GTF2F1: variants seen among roughly 807,000 people sequenced by gnomAD.
The protein encoded by GTF2F1 is general transcription factor IIF 74 kDa subunit.
A neutral mutation model predicts 63.5 loss-of-function variants in GTF2F1; 39 were observed. The observed-to-expected ratio is 0.61, with a 90% CI of 0.48 to 0.80. The LOEUF (loss-of-function observed/expected upper bound fraction) is 0.80. Ranked by LOEUF, GTF2F1 falls within the 30% of genes least tolerant of loss-of-function variation. The pLI is 0.00. For missense variants in GTF2F1, 657 were observed against 718.3 expected, an observed-to-expected ratio of 0.91 and a Z score of 0.97; for synonymous variants, 287 against 285.3, an observed-to-expected ratio of 1.01 and a Z score of -0.06.
intron 5 of GTF2F1, chr19:6,386,808 G>A (rs1477980785): frequency 6.5e-6 from 1 of 152,930 alleles, no homozygotes; most frequent in African/African-American, 2.4e-5. Flanking sequence ...TCTGTGACCT[G>A]TGCAAATGCC....
Position 6,380,716 on chromosome 19 carries a change from T to C in GTF2F1, c.1232-26A>G, listed in dbSNP as rs1477422638. On this transcript the variant is annotated intron_variant, in intron 11 of 12. Transcript: ENST00000394456. This position sits in a 1 kb window ranked among gnomAD's most constrained non-coding sequence, Gnocchi z 5.3. ...CTGTGGGAGTGGGGTCAGGGCTGAG[T>C]CTTGCAGGCAGGAGGCAGAACCCCT... is the stretch of plus-strand genomic sequence containing the variant. 1.2e-6 allele frequency: 2 copies of C among 1,603,336 alleles called. No individual in the cohort carries two copies.
chr19:6,387,965 T>C (rs2091980294), intron 4 of GTF2F1, among the ~76,000 whole-genome samples: 1 of 149,974 alleles, frequency 6.7e-6, no homozygotes, highest in Admixed American at 6.7e-5. Context: ...AGTCTCGCTC[T>C]GGCACCCAGG....
intron 5 of GTF2F1, chr19:6,387,164 CG>C: frequency 1.9e-6 from 1 of 523,616 alleles, no homozygotes; most frequent in Non-Finnish European, 3.4e-6. Context: ...ATTTGAGCTC[CG>C]GGTCACAGAC....
rs1197409244 is a variant in GTF2F1 at position 6,380,560 on chromosome 19, CTCG to C, written c.1349+10_1349+12del. On this transcript the variant is annotated intron_variant, in intron 12 of 12. Transcript: ENST00000394456. The surrounding 1 kb of genome is among the most constrained non-coding windows in gnomAD (Gnocchi z 5.3). ...AGCCCTTGCCCTGCCCCCTGCTGTC[CTCG>C]TCAACTTACCCGCTGTTGGGTGTTG... The C allele has an allele frequency of 3.7e-6, 6 of 1,613,438 alleles. 1 individual carries two copies. The highest frequency in any genetic ancestry group is 3.3e-5 in the Admixed American group (2 of 59,982).
Position 6,393,016 on chromosome 19 carries a change from G to C in GTF2F1, c.-21C>G. On this transcript the variant is annotated 5_prime_UTR_variant, in exon 1 of 13. It adds an upstream start codon to the 5' untranslated region. Coordinates refer to ENST00000394456, the MANE Select transcript of GTF2F1 (RefSeq NM_002096.3). ...GCCATGGGCAATGGTCAGTGGTTCC[G>C]ATCTGGTCCGACCCGGGTTCCTTTC... 1 of 1,613,546 alleles carries C rather than the reference G, an allele frequency of 6.2e-7. No individual in the cohort carries two copies. Among genetic ancestry groups the C allele is most frequent in the East Asian group, 2.2e-5 (1 of 44,886 alleles).
chr19:6,386,093 A>C (rs576013306), intron 5 of GTF2F1, among the ~76,000 whole-genome samples: 1 of 150,484 alleles, frequency 6.6e-6, no homozygotes, highest in South Asian at 2.1e-4. Context: ...CAAAACAACA[A>C]AACTAAAACA....
Position 6,381,382 on chromosome 19 carries a change from G to A in GTF2F1, c.995C>T (p.Pro332Leu), listed in dbSNP as rs150745438. ...EEEEEKKAPT[P>L]QEKKRRKDSS... Reference sequence around the variant, plus strand: ...ACCTTTCCTGCGCTTCTTCTCCTGCGGGGTGGGTGCCTTCTTCTCCTCCTC... The same window carrying A: ...ACCTTTCCTGCGCTTCTTCTCCTGCAGGGTGGGTGCCTTCTTCTCCTCCTC... Residue 332 changes from proline to leucine, a missense_variant, in exon 9 of 13, where the codon CCG becomes CTG. Pro to Leu is a moderately conservative substitution (Grantham distance 98). Coordinates refer to ENST00000394456, the MANE Select transcript of GTF2F1 (RefSeq NM_002096.3). The surrounding 1 kb of genome is among the most constrained non-coding windows in gnomAD (Gnocchi z 4.1). 5.3e-5 allele frequency: 86 copies of A among 1,608,472 alleles called. No individual in the cohort carries two copies. The highest frequency in any genetic ancestry group is 1.7e-4 in the Admixed American group (10 of 59,290).
At chr19:6,392,792 G>T in intron 2 of GTF2F1, 65 bp downstream of exon 2, 1 of 1,494,530 alleles carries the variant, frequency 6.7e-7, no homozygotes, top group South Asian at 1.1e-5. Context: ...GGCTGGCTAA[G>T]AAGATCGTGA....
Position 6,381,500 on chromosome 19 carries a change from C to A in GTF2F1, c.899-22G>T. On this transcript the variant is annotated intron_variant, in intron 8 of 12. Coordinates refer to ENST00000394456, the MANE Select transcript of GTF2F1 (RefSeq NM_002096.3). This position sits in a 1 kb window ranked among gnomAD's most constrained non-coding sequence, Gnocchi z 4.1. ...ACACCTGGGAGGGGCAGGGTATGAG[C>A]AAGAGCAGGGAAGCACCGCCCCCAT... 6.2e-7 allele frequency: 1 copy of A among 1,608,570 alleles called. No homozygotes were observed. Among genetic ancestry groups the A allele is most frequent in the Non-Finnish European group, 8.5e-7 (1 of 1,179,584 alleles).
At chr19:6,390,552 A>AAC (rs1402741530) in intron 3 of GTF2F1, among the ~76,000 whole-genome samples, 1 of 143,626 alleles carries the variant, frequency 7.0e-6, no homozygotes, top group Non-Finnish European at 1.5e-5. Flanking sequence ...GTCCCCAAAA[A>AAC]AAAAAAAAAA....
Position 6,387,444 on chromosome 19 carries a change from G to T in GTF2F1, c.442C>A (p.Pro148Thr). The change falls in exon 5 of 13, where the codon CCG becomes ACG. Residue 148 changes from proline (P) to threonine (T), a missense_variant. Pro to Thr is a conservative substitution (Grantham distance 38, BLOSUM62 -1). Around this residue, in one of 2 missense-constraint regions of GTF2F1, gnomAD observed 602 missense variants for 625.6 expected, o/e 0.96. Transcript: ENST00000394456. ...GTGAGCGTGCGATGCCGGGCCAGCGGTGTGAAATTGTACCAGTTGTGCACG... is the reference window on the plus strand; with the variant it reads ...GTGAGCGTGCGATGCCGGGCCAGCGTTGTGAAATTGTACCAGTTGTGCACG... The part of the protein sequence containing the change: ...FPVHNWYNFT[P>T]LARHRTLTAE... The T allele has an allele frequency of 6.2e-7, 1 of 1,614,240 alleles. No homozygotes were observed. Among genetic ancestry groups the T allele is most frequent in the East Asian group, 2.2e-5 (1 of 44,884 alleles).
intron 3 of GTF2F1, among the ~76,000 whole-genome samples, chr19:6,391,010 CTTGAT>C (rs1437994719): frequency 1.3e-5 from 2 of 152,188 alleles, no homozygotes; most frequent in Admixed American, 6.6e-5. Context: ...CCCTTAAGCT[CTTGAT>C]TTAAGGTCCA....
At position 6,392,442 on chromosome 19, in the gene GTF2F1, G is replaced by C. The variant is rs937087561; in HGVS notation, c.59+415C>G. The C allele has an allele frequency of 1.6e-4, 79 of 497,678 alleles. No homozygotes were observed. In the Admixed American group the frequency reaches 1.8e-3, roughly 11 times the overall value. The allele number at this position is 497,678 out of a possible 1,614,324, so 30.8% of individuals were successfully genotyped here. ...GAGGAAGATACTGGAGTTGAGTTTTGCAGAATCATCAAGAATTCACCCAGC... is the reference window on the plus strand; with the variant it reads ...GAGGAAGATACTGGAGTTGAGTTTTCCAGAATCATCAAGAATTCACCCAGC... On this transcript the variant is annotated intron_variant, in intron 2 of 12. Transcript: ENST00000394456.
Position 6,380,981 on chromosome 19 carries a change from C to A in GTF2F1, c.1154G>T (p.Ser385Ile). Residue 385 changes from serine (S) to isoleucine (I), a missense_variant, in exon 11 of 13, where the codon AGC (serine) becomes ATC (isoleucine). Coordinates refer to ENST00000394456, the MANE Select transcript of GTF2F1 (RefSeq NM_002096.3). This position sits in a 1 kb window ranked among gnomAD's most constrained non-coding sequence, Gnocchi z 5.3. ...KPSGGSSRGN[S>I]RPGTPSAEGG... is the part of the protein sequence containing the mutation. ...CTCTGCGCTGGGCGTGCCTGGGCGG[C>A]TGTTGCCCCTTGAGCTCCCTCCCGA... is the stretch of plus-strand genomic sequence containing the variant. 6.2e-7 allele frequency: 1 copy of A among 1,606,706 alleles called. No individual in the cohort carries two copies.
rs147045393 is a variant in GTF2F1, at chr19:6,383,315, C to T, written c.678G>A (p.Glu226=). ...TGCCCAGGCGCCCGTACTCACCCTC[C>T]TCACCACTGGCATCACTGGCATCGG... The part of the protein sequence containing the change: ...MSSDASDASG[E]EGGRVPKAKK... The change falls in exon 6 of 13, where the codon GAG becomes GAA. Residue 226 remains glutamate (E), a synonymous_variant. Transcript: ENST00000394456. This position sits in a 1 kb window ranked among gnomAD's most constrained non-coding sequence, Gnocchi z 4.5. 98 of 1,613,722 alleles carry T rather than the reference C, an allele frequency of 6.1e-5. No individual in the cohort carries two copies. The highest frequency in any genetic ancestry group is 7.7e-5 in the Non-Finnish European group (91 of 1,179,988).
chr19:6,386,169 T>C (rs964375458), intron 5 of GTF2F1, among the ~76,000 whole-genome samples: 1 of 152,012 alleles, frequency 6.6e-6, no homozygotes, highest in African/African-American at 2.4e-5. Flanking sequence ...GCAGATCACC[T>C]GAGGTTAGGA....
Position 6,381,762 on chromosome 19 carries a change from G to A in GTF2F1, c.771C>T (p.Ala257=). 6.2e-7 allele frequency: 1 copy of A among 1,614,192 alleles called. No homozygotes were observed. Among genetic ancestry groups the A allele is most frequent in the Non-Finnish European group, 8.5e-7 (1 of 1,180,034 alleles). Residue 257 remains alanine, a synonymous_variant, in exon 7 of 13, where the codon GCC becomes GCT. Transcript: ENST00000394456. The surrounding 1 kb of genome is among the most constrained non-coding windows in gnomAD (Gnocchi z 4.1). ...KKKKKGSDDE[A]FEDSDDGDFE... The stretch of plus-strand genomic sequence containing the variant: ...AGTCCCCATCATCGCTGTCCTCGAA[G>A]GCCTCGTCGTCTGAACCCTTCTTCT...
chr19:6,389,665 AG>A (rs1568331871), intron 3 of GTF2F1, 28 bp from the exon 4 acceptor site: 11 of 1,605,496 alleles, frequency 6.9e-6, no homozygotes, highest in East Asian at 4.5e-5. Context: ...AAAGCCTCTC[AG>A]GGTCCCTGGC....
intron 2 of GTF2F1, chr19:6,392,473 CA>C: frequency 1.9e-6 from 1 of 520,824 alleles, no homozygotes; most frequent in South Asian, 1.6e-5. Context: ...CCAGCAGAGT[CA>C]CAGTTTAGGG....
Sources: gnomAD v4.1 joint callset for allele counts (sites outside exome capture counted in the v4.1 genomes callset) on GRCh38, gnomAD v4.1.1 for gene constraint, gnomAD v4.1.1 regional missense constraint, Gnocchi (gnomAD v3.1) non-coding constraint, MANE v1.5 for transcripts, NCBI Gene and HGNC (gene_info 2026-07-23, HGNC 2026-07-21) for gene names.